ARHGAP15: variants seen among roughly 807,000 people sequenced by gnomAD.
ARHGAP15 encodes rho GTPase-activating protein 15.
A neutral mutation model predicts 63.7 loss-of-function variants in ARHGAP15; 51 were observed. The ratio of observed to expected loss-of-function variants is 0.80; its 90% confidence interval spans 0.64 to 1.01. The LOEUF (loss-of-function observed/expected upper bound fraction) is 1.01, where lower values mean the gene tolerates loss of function less well. Among genes scored for constraint, ARHGAP15 ranks in the 50% least tolerant of loss-of-function variants. ARHGAP15 has a pLI of 0.00. For synonymous variants in ARHGAP15, 191 were observed against 193.8 expected (o/e 0.99, Z 0.12); for missense variants, 560 against 564.6 (o/e 0.99, Z 0.08).
chr2:143,744,883 G>A (rs374071988), intron 13 of ARHGAP15, among the ~76,000 whole-genome samples: 11 of 152,124 alleles, frequency 7.2e-5, no homozygotes, highest in Non-Finnish European at 1.0e-4. Context: ...TTAAAAATAC[G>A]TACTATGAAT....
intron 10 of ARHGAP15, among the ~76,000 whole-genome samples, chr2:143,556,046 CGAGTT>C (rs1460246808): frequency 1.3e-5 from 2 of 151,942 alleles, no homozygotes; most frequent in African/African-American, 4.8e-5. Flanking sequence ...ACAAATGTCT[CGAGTT>C]ATTTTACCTT....
intron 6 of ARHGAP15, 148 bp downstream of exon 6, chr2:143,250,748 T>G: frequency 1.6e-6 from 1 of 625,916 alleles, no homozygotes; most frequent in Non-Finnish European, 2.7e-6. Flanking sequence ...CTCTTCCCAG[T>G]TGAATCTTTG....
intron 10 of ARHGAP15, among the ~76,000 whole-genome samples, chr2:143,531,127 C>CGTGCGTGTGTGTGTGT (rs58887426): frequency 1.3e-5 from 2 of 151,762 alleles, no homozygotes; most frequent in East Asian, 1.9e-4. Flanking sequence ...TGTGTGTGCG[C>CGTGCGTGTGTGTGTGT]GCATGTGTGT....
intron 6 of ARHGAP15, among the ~76,000 whole-genome samples, chr2:143,389,630 A>T (rs886245916): frequency 6.6e-6 from 1 of 152,178 alleles, no homozygotes; most frequent in Non-Finnish European, 1.5e-5. Context: ...GTAAGTCCAC[A>T]TGGGGCAGAC....
chr2:143,444,092 C>T (rs1392748899), intron 8 of ARHGAP15, among the ~76,000 whole-genome samples: 1 of 152,194 alleles, frequency 6.6e-6, no homozygotes, highest in African/African-American at 2.4e-5. Flanking sequence ...TGCTCAAGCA[C>T]TAGATCACCC....
At chr2:143,489,920 T>G (rs767190266) in intron 9 of ARHGAP15, among the ~76,000 whole-genome samples, 34 of 152,148 alleles carry the variant, frequency 2.2e-4, no homozygotes, top group Admixed American at 7.9e-4. Flanking sequence ...GCTTGGCAGT[T>G]TGGGCCTTAA....
At chr2:143,392,811 G>A (rs2104972958) in intron 6 of ARHGAP15, among the ~76,000 whole-genome samples, 2 of 152,142 alleles carry the variant, frequency 1.3e-5, no homozygotes, top group Middle Eastern at 6.8e-3. Context: ...TTGGGTGACT[G>A]GTCTAGTTTT....
intron 13 of ARHGAP15, among the ~76,000 whole-genome samples, chr2:143,730,583 C>G (rs543488107): frequency 6.6e-6 from 1 of 152,072 alleles, no homozygotes; most frequent in Non-Finnish European, 1.5e-5. Context: ...TCTCGAAACC[C>G]ACCAAATAAC....
chr2:143,236,165 C>A, intron 5 of ARHGAP15: 2 of 564,356 alleles, frequency 3.5e-6, no homozygotes, highest in Non-Finnish European at 5.8e-6. Context: ...ACATTAGGGG[C>A]AACAGAAATA....
intron 11 of ARHGAP15, among the ~76,000 whole-genome samples, chr2:143,583,713 G>C (rs902404807): frequency 3.3e-5 from 5 of 152,152 alleles, no homozygotes; most frequent in African/African-American, 1.2e-4. Flanking sequence ...ACTCAGTCTG[G>C]AAGACCTCTT....
intron 6 of ARHGAP15, among the ~76,000 whole-genome samples, chr2:143,412,059 C>T (rs528129189): frequency 2.6e-5 from 4 of 152,080 alleles, no homozygotes; most frequent in Non-Finnish European, 5.9e-5. Context: ...AAACTGTGAT[C>T]GAGTGTTTCA....
chr2:143,452,796 A>G (rs1013437262), intron 8 of ARHGAP15, among the ~76,000 whole-genome samples: 3 of 151,708 alleles, frequency 2.0e-5, no homozygotes, highest in African/African-American at 4.8e-5. Context: ...TTAATCTTTT[A>G]TCATTTCTAC....
chr2:143,548,352 A>T (rs1296926992), intron 10 of ARHGAP15, among the ~76,000 whole-genome samples: 1 of 151,990 alleles, frequency 6.6e-6, no homozygotes, highest in Non-Finnish European at 1.5e-5. Context: ...TTCTTAGTAT[A>T]TATGTATATA....
At chr2:143,534,105 G>C (rs934084535) in intron 10 of ARHGAP15, among the ~76,000 whole-genome samples, 1 of 152,186 alleles carries the variant, frequency 6.6e-6, no homozygotes, top group African/African-American at 2.4e-5. Context: ...TCAATCGAGA[G>C]ACGAGGTGGA....
Position 143,187,825 on chromosome 2 carries a change from A to G in ARHGAP15, c.166-14309A>G, listed in dbSNP as rs558403518. ...CTCATTTATCCAATTAGGTGGGAGA[A>G]TAGCCTGGTCCCTTTCTCTTTCTTT... On this transcript the variant is annotated intron_variant, in intron 2 of 13. Transcript: ENST00000295095. 2.6e-5 allele frequency among the ~76,000 whole-genome samples: 4 copies of G among 152,354 alleles called. No homozygotes were observed. In the East Asian group the frequency reaches 7.7e-4, roughly 29 times the overall value.
intron 8 of ARHGAP15, among the ~76,000 whole-genome samples, chr2:143,452,230 A>G (rs1482698678): frequency 6.6e-6 from 1 of 152,022 alleles, no homozygotes. Flanking sequence ...CGGAAGAAAT[A>G]GCCATTTTAT....
intron 8 of ARHGAP15, among the ~76,000 whole-genome samples, chr2:143,473,029 C>T (rs1691652768): frequency 6.6e-6 from 1 of 152,146 alleles, no homozygotes; most frequent in South Asian, 2.1e-4. Flanking sequence ...AGTGTAGGAA[C>T]CACCATTAAA....
intron 2 of ARHGAP15, among the ~76,000 whole-genome samples, chr2:143,166,069 A>G (rs1251705999): frequency 6.6e-6 from 1 of 150,602 alleles, no homozygotes; most frequent in African/African-American, 2.4e-5. Flanking sequence ...AAGAAAAAAA[A>G]TATCTTCTTT....
chr2:143,199,302 G>T (rs1305840778), intron 2 of ARHGAP15, among the ~76,000 whole-genome samples: 1 of 152,112 alleles, frequency 6.6e-6, no homozygotes, highest in South Asian at 2.1e-4. Flanking sequence ...GCTAGCAGCT[G>T]TAAAATCCTC....
Sources: gnomAD v4.1 joint callset for allele counts (sites outside exome capture counted in the v4.1 genomes callset) on GRCh38, gnomAD v4.1.1 for gene constraint, MANE v1.5 for transcripts, NCBI Gene and HGNC (gene_info 2026-07-23, HGNC 2026-07-21) for gene names.